The following CACNA1A variants were observed in gnomAD, a reference collection of about 807,000 sequenced individuals.
The protein encoded by CACNA1A is calcium voltage-gated channel subunit alpha1 A, also known as voltage-dependent P/Q-type calcium channel subunit alpha-1A.
A neutral mutation model predicts 262.4 loss-of-function variants in CACNA1A; 57 were observed. That is an observed-to-expected ratio of 0.22 (90% confidence interval 0.18 to 0.27). CACNA1A has a LOEUF of 0.27. Among genes scored for constraint, CACNA1A ranks in the 10% least tolerant of loss-of-function variants. The pLI, the probability that CACNA1A is intolerant of heterozygous loss-of-function variation, is 1.00. For synonymous variants in CACNA1A, 1,431 were observed against 1,419.3 expected, an observed-to-expected ratio of 1.01 and a Z score of -0.18; for missense variants, 2,526 against 3,562.8, an observed-to-expected ratio of 0.71 and a Z score of 7.41.
At chr19:13,383,955 C>T (rs550330385) in intron 3 of CACNA1A, among the ~76,000 whole-genome samples, 3 of 152,168 alleles carry the variant, frequency 2.0e-5, no homozygotes, top group Admixed American at 6.6e-5. Flanking sequence ...GCTGGAACTA[C>T]AGGCATGCAT....
At chr19:13,428,963 G>A (rs1225087016) in intron 3 of CACNA1A, among the ~76,000 whole-genome samples, 3 of 151,950 alleles carry the variant, frequency 2.0e-5, no homozygotes, top group East Asian at 3.9e-4. Context: ...GGTGAATCAC[G>A]CCTCAAACAG....
chr19:13,455,063 C>T (rs776852955), intron 2 of CACNA1A, 44 bp downstream of exon 2: 1 of 1,234,696 alleles, frequency 8.1e-7, no homozygotes, highest in Non-Finnish European at 1.2e-6. Flanking sequence ...AATTAATGTC[C>T]TGCTAAAGCC....
At chr19:13,255,773 C>CTCCTTCCCT in intron 28 of CACNA1A, among the ~76,000 whole-genome samples, 1 of 110,056 alleles carries the variant, frequency 9.1e-6, no homozygotes, top group Non-Finnish European at 1.9e-5. Context: ...CCTTCCCTCC[C>CTCCTTCCCT]TCCTTTCCTT....
At position 13,212,203 on chromosome 19, in the gene CACNA1A, C is replaced by G. The variant is rs769040794; in HGVS notation, c.6203G>C (p.Arg2068Pro). The G allele has an allele frequency of 1.9e-6, 3 of 1,613,714 alleles. No individual in the cohort carries two copies. Among genetic ancestry groups the G allele is most frequent in the Non-Finnish European group, 1.7e-6 (2 of 1,179,772 alleles). The change falls in exon 43 of 47, where the codon CGA becomes CCA. Residue 2068 changes from arginine (R) to proline (P), a missense_variant. Coordinates refer to ENST00000360228, the MANE Select transcript of CACNA1A (RefSeq NM_001127222.2). The surrounding 1 kb of genome is among the most constrained non-coding windows in gnomAD (Gnocchi z 5.6). ...SQPNSQSVEM[R>P]EMGRDGYSDS... is the part of the protein sequence containing the mutation. ...GGAGTAGCCATCTCTGCCCATCTCT[C>G]GCATCTCCACGGACTGCGGAGCAGA...
At chr19:13,336,594 G>GGAGAGAGAGGGACA (rs1555768093) in intron 6 of CACNA1A, among the ~76,000 whole-genome samples, 6 of 65,494 alleles carry the variant, frequency 9.2e-5, no homozygotes, top group Non-Finnish European at 1.9e-4. Context: ...AGAGAGAGAG[G>GGAGAGAGAGGGACA]GAGAGAGAGA....
At chr19:13,446,149 C>T (rs551161152) in intron 3 of CACNA1A, among the ~76,000 whole-genome samples, 1 of 151,642 alleles carries the variant, frequency 6.6e-6, no homozygotes, top group Non-Finnish European at 1.5e-5. Context: ...GCAGTGCATG[C>T]CTGTAGTCCC....
At chr19:13,363,935 C>T (rs1183526801) in intron 5 of CACNA1A, 1 of 152,280 alleles carries the variant, frequency 6.6e-6, no homozygotes, top group African/African-American at 2.4e-5. Flanking sequence ...AGAGAGCAAG[C>T]AGCTAGAGTT....
intron 3 of CACNA1A, among the ~76,000 whole-genome samples, chr19:13,387,489 C>T (rs996087414): frequency 2.6e-4 from 40 of 152,246 alleles, no homozygotes; most frequent in African/African-American, 8.9e-4. Flanking sequence ...CTGCGTGCTA[C>T]GTCTGGTTTT....
At chr19:13,461,142 C>A (rs1339805955) in intron 1 of CACNA1A, among the ~76,000 whole-genome samples, 2 of 152,032 alleles carry the variant, frequency 1.3e-5, no homozygotes, top group Non-Finnish European at 2.9e-5. Flanking sequence ...GAGTTCGAGA[C>A]CAGCCTGGCC....
At chr19:13,435,254 C>T (rs936910501) in intron 3 of CACNA1A, among the ~76,000 whole-genome samples, 6 of 151,782 alleles carry the variant, frequency 4.0e-5, no homozygotes, top group African/African-American at 1.5e-4. Flanking sequence ...GCTGGAATTA[C>T]AGGTGCATAT....
At chr19:13,269,105 T>A (rs1406612729) in intron 24 of CACNA1A, among the ~76,000 whole-genome samples, 1 of 152,138 alleles carries the variant, frequency 6.6e-6, no homozygotes, top group Non-Finnish European at 1.5e-5. Context: ...CAAGTGATTC[T>A]CCCACCTCAG....
chr19:13,231,716 C>A lies in CACNA1A; in HGVS notation c.5394G>T (p.Ser1798=), dbSNP rs201681631. Residue 1798 remains serine, a synonymous_variant, in exon 35 of 47, where the codon TCG becomes TCT. Coordinates refer to ENST00000360228, the MANE Select transcript of CACNA1A (RefSeq NM_001127222.2). ...ACAGTGTCCACAGACTCACCAGAAACGAGCAGAGGAAGATGAAGGAAACAA... is the reference window on the plus strand; with the variant it reads ...ACAGTGTCCACAGACTCACCAGAAAAGAGCAGAGGAAGATGAAGGAAACAA... ...FYFVSFIFLC[S]FLMLNLFVAV... 3 of 1,610,284 alleles carry A rather than the reference C, an allele frequency of 1.9e-6. No individual in the cohort carries two copies. Among genetic ancestry groups the A allele is most frequent in the Non-Finnish European group, 2.5e-6 (3 of 1,178,148 alleles).
intron 3 of CACNA1A, among the ~76,000 whole-genome samples, chr19:13,395,243 C>CA (rs1568604117): frequency 2.4e-5 from 3 of 126,554 alleles, no homozygotes; most frequent in African/African-American, 9.0e-5. Flanking sequence ...CACAGCACTC[C>CA]AGCCTGGGCA....
At chr19:13,353,065 G>C (rs570323904) in intron 6 of CACNA1A, among the ~76,000 whole-genome samples, 195 of 152,160 alleles carry the variant, frequency 1.3e-3, no homozygotes, top group Non-Finnish European at 2.2e-3. Flanking sequence ...GAGCCACCAT[G>C]CCTGGCCTCC....
At chr19:13,306,019 C>T (rs963600908) in intron 15 of CACNA1A, among the ~76,000 whole-genome samples, 1 of 150,690 alleles carries the variant, frequency 6.6e-6, no homozygotes, top group African/African-American at 2.5e-5. Flanking sequence ...AAGAACGTGC[C>T]GTCGCACTCC....
chr19:13,224,618 G>T, intron 38 of CACNA1A, 49 bp downstream of exon 38: 1 of 1,286,910 alleles, frequency 7.8e-7, no homozygotes, highest in South Asian at 1.3e-5. Flanking sequence ...GGAGATCCCC[G>T]GTTCCACCCT....
At chr19:13,218,294 G>T (rs952021861) in intron 38 of CACNA1A, among the ~76,000 whole-genome samples, 4 of 152,084 alleles carry the variant, frequency 2.6e-5, no homozygotes, top group African/African-American at 9.7e-5. Flanking sequence ...GCGATTTATC[G>T]TTGGGGTCTT....
At chr19:13,331,778 A>G (rs989709483) in intron 9 of CACNA1A, among the ~76,000 whole-genome samples, 5 of 151,848 alleles carry the variant, frequency 3.3e-5, no homozygotes, top group African/African-American at 1.2e-4. Flanking sequence ...CTCCCACCTC[A>G]GCCTCCTGAG....
intron 24 of CACNA1A, among the ~76,000 whole-genome samples, chr19:13,264,679 C>T (rs148877839): frequency 6.6e-6 from 1 of 152,180 alleles, no homozygotes; most frequent in East Asian, 1.9e-4. Flanking sequence ...CACAGAACTA[C>T]CCGGTCCTCA....
Sources: allele counts gnomAD v4.1 joint callset (sites outside exome capture counted in the v4.1 genomes callset), GRCh38; gene constraint gnomAD v4.1.1; non-coding constraint Gnocchi (gnomAD v3.1); transcripts MANE v1.5; gene names NCBI Gene and HGNC (gene_info 2026-07-23, HGNC 2026-07-21).